Variants in RYR3 observed in about 807,000 individuals in gnomAD.
RYR3 encodes the protein brain ryanodine receptor-calcium release channel.
In RYR3, 207 loss-of-function variants were observed where a neutral mutation model predicts 584.3. The ratio of observed to expected loss-of-function variants is 0.35; its 90% CI spans 0.32 to 0.40. The LOEUF (loss-of-function observed/expected upper bound fraction) is 0.40. Ranked by LOEUF, RYR3 falls within the 10% of genes least tolerant of loss-of-function variation. The probability of loss-of-function intolerance (pLI) is 1.00; values close to 1 mark genes in which losing one functional copy is unlikely to be tolerated. For missense variants in RYR3, 5,616 were observed against 6,089.2 expected (o/e 0.92, Z 2.59); for synonymous variants, 2,416 against 2,248.5 (o/e 1.07, Z -2.11).
chr15:33,325,231 A>G (rs532877905), intron 1 of RYR3, among the ~76,000 whole-genome samples: 1 of 152,316 alleles, frequency 6.6e-6, no homozygotes, highest in Admixed American at 6.5e-5. Context: ...TGTACCAGAT[A>G]CAAACCAGTA....
chr15:33,586,140 T>C, intron 16 of RYR3, 24 bp downstream of exon 16: 1 of 1,364,636 alleles, frequency 7.3e-7, no homozygotes, highest in East Asian at 2.3e-5. Context: ...GAACGGTGAT[T>C]GACTTTGCCT....
At chr15:33,595,341 T>G (rs904755284) in intron 16 of RYR3, among the ~76,000 whole-genome samples, 18 of 152,202 alleles carry the variant, frequency 1.2e-4, no homozygotes, top group Non-Finnish European at 2.6e-4. Context: ...TTAATCTTGA[T>G]TATAAAATAT....
intron 1 of RYR3, among the ~76,000 whole-genome samples, chr15:33,464,904 CCT>C (rs941530243): frequency 9.2e-5 from 14 of 152,242 alleles, no homozygotes; most frequent in African/African-American, 2.6e-4. Context: ...CCCCATCCCC[CCT>C]GTCTCTGACA....
chr15:33,383,603 T>C (rs1403131561), intron 1 of RYR3, among the ~76,000 whole-genome samples: 2 of 152,070 alleles, frequency 1.3e-5, no homozygotes, highest in African/African-American at 2.4e-5. Context: ...TGCATGGATA[T>C]ATTGCATGAT....
At chr15:33,538,288 C>T (rs112836627) in intron 5 of RYR3, among the ~76,000 whole-genome samples, 25 of 152,080 alleles carry the variant, frequency 1.6e-4, no homozygotes, top group African/African-American at 6.0e-4. Context: ...GTCTGTTAAG[C>T]CTCACTTTTA....
At chr15:33,333,755 T>A (rs1487568777) in intron 1 of RYR3, among the ~76,000 whole-genome samples, 1 of 152,164 alleles carries the variant, frequency 6.6e-6, no homozygotes, top group East Asian at 1.9e-4. Context: ...AGTTAAACTA[T>A]CCCTGTTTGC....
chr15:33,604,022 CT>C (rs1314792832), intron 18 of RYR3, among the ~76,000 whole-genome samples: 3 of 152,204 alleles, frequency 2.0e-5, no homozygotes, highest in African/African-American at 7.2e-5. Context: ...TGACTTCTGC[CT>C]GGGTGAAAAA....
chr15:33,405,177 G>A (rs989874006), intron 1 of RYR3, among the ~76,000 whole-genome samples: 3 of 152,220 alleles, frequency 2.0e-5, no homozygotes, highest in African/African-American at 7.2e-5. Flanking sequence ...TCTTGCAGGA[G>A]TATTTTTAAT....
At chr15:33,372,920 T>C (rs1367258549) in intron 1 of RYR3, among the ~76,000 whole-genome samples, 1 of 152,212 alleles carries the variant, frequency 6.6e-6, no homozygotes, top group Non-Finnish European at 1.5e-5. Context: ...AATTGTAATA[T>C]AGTGCCCAAC....
intron 2 of RYR3, among the ~76,000 whole-genome samples, chr15:33,494,176 G>T (rs80058219): frequency 0.015 from 2,274 of 152,080 alleles, 46 homozygotes; most frequent in African/African-American, 0.051. Context: ...TATTTGTCCT[G>T]CAATTTGGAT....
intron 18 of RYR3, among the ~76,000 whole-genome samples, chr15:33,607,305 G>A (rs1319170368): frequency 6.6e-6 from 1 of 152,150 alleles, no homozygotes; most frequent in Admixed American, 6.5e-5. Flanking sequence ...AAGATATGCA[G>A]CATCTAATTA....
In RYR3 at chr15:33,334,526, T is replaced by C. The variant is rs550764782; in HGVS notation, c.51+23430T>C. Among the ~76,000 whole-genome samples the C allele has an allele frequency of 5.3e-5, 8 of 152,174 alleles. 1 individual carries two copies. The South Asian group carries it at 1.0e-3, about 20-fold the overall frequency. On this transcript the variant is annotated intron_variant, in intron 1 of 103. Transcript: ENST00000634891. ...TCCTTCCTTACACCTTATACAAAAA[T>C]TAACTCAAGATGGATTAAATACTTA... is the stretch of plus-strand genomic sequence containing the variant.
intron 1 of RYR3, among the ~76,000 whole-genome samples, chr15:33,437,676 G>A (rs2045853174): frequency 6.6e-6 from 1 of 152,196 alleles, no homozygotes; most frequent in Non-Finnish European, 1.5e-5. Flanking sequence ...TCTGGACTCT[G>A]CTTTTCCACT....
At chr15:33,487,383 GAAAAC>G in intron 2 of RYR3, among the ~76,000 whole-genome samples, 1 of 152,116 alleles carries the variant, frequency 6.6e-6, no homozygotes, top group East Asian at 1.9e-4. Flanking sequence ...GTTGCTGAAA[GAAAAC>G]AAAACAAGGG....
At chr15:33,734,508 C>T (rs534711257) in intron 48 of RYR3, among the ~76,000 whole-genome samples, 1 of 152,168 alleles carries the variant, frequency 6.6e-6, no homozygotes, top group East Asian at 1.9e-4. Flanking sequence ...ATAACAGCTG[C>T]GATCGTGTTC....
At chr15:33,566,196 C>A (rs2057705795) in intron 11 of RYR3, among the ~76,000 whole-genome samples, 1 of 152,190 alleles carries the variant, frequency 6.6e-6, no homozygotes, top group African/African-American at 2.4e-5. Context: ...CCCAGCCCTG[C>A]AATTAACTAA....
chr15:33,713,028 C>T (rs1166441261), intron 43 of RYR3, among the ~76,000 whole-genome samples: 1 of 152,122 alleles, frequency 6.6e-6, no homozygotes, highest in Non-Finnish European at 1.5e-5. Flanking sequence ...AATGGGAAAA[C>T]TGTAATAAAC....
chr15:33,464,757 TC>T (rs1475206867), intron 1 of RYR3, among the ~76,000 whole-genome samples: 1 of 151,724 alleles, frequency 6.6e-6, no homozygotes, highest in Non-Finnish European at 1.5e-5. Context: ...ACACTGAAGC[TC>T]CATCCTTTTA....
intron 31 of RYR3, among the ~76,000 whole-genome samples, chr15:33,651,915 G>A (rs2062498406): frequency 6.6e-6 from 1 of 152,206 alleles, no homozygotes; most frequent in Admixed American, 6.5e-5. Context: ...CCACGGTGGG[G>A]GGCTCTGAGA....
Sources: gnomAD v4.1 joint callset for allele counts (sites outside exome capture counted in the v4.1 genomes callset) on GRCh38, gnomAD v4.1.1 for gene constraint, MANE v1.5 for transcripts, NCBI Gene and HGNC (gene_info 2026-07-23, HGNC 2026-07-21) for gene names.